The following EGLN1 variants were observed in gnomAD, a reference collection of about 807,000 sequenced individuals.
The protein encoded by EGLN1 is egl nine homolog 1.
Under a neutral mutation model 38.3 loss-of-function variants are expected in EGLN1, and 17 were observed. The observed-to-expected ratio is 0.44, with a 90% confidence interval of 0.30 to 0.67. EGLN1 has a LOEUF of 0.67. Among genes scored for constraint, EGLN1 ranks in the 30% least tolerant of loss-of-function variants. The pLI, the probability that EGLN1 is intolerant of heterozygous loss-of-function variation, is 0.08. For missense variants in EGLN1, 477 were observed against 603.3 expected, an observed-to-expected ratio of 0.79 and a Z score of 2.19; for synonymous variants, 283 against 257.5, an observed-to-expected ratio of 1.10 and a Z score of -0.95.
At chr1:231,410,237 T>C (rs927489830) in intron 1 of EGLN1, among the ~76,000 whole-genome samples, 3 of 152,008 alleles carry the variant, frequency 2.0e-5, no homozygotes, top group African/African-American at 7.2e-5. Context: ...GACTTCAGTC[T>C]TGCCAGCAGA....
At chr1:231,393,889 C>T (rs1688453044) in intron 1 of EGLN1, among the ~76,000 whole-genome samples, 1 of 152,120 alleles carries the variant, frequency 6.6e-6, no homozygotes, top group African/African-American at 2.4e-5. Context: ...AACTTCTTTC[C>T]TGTTATCTAA....
At chr1:231,413,751 G>T (rs1282420819) in intron 1 of EGLN1, among the ~76,000 whole-genome samples, 1 of 152,144 alleles carries the variant, frequency 6.6e-6, no homozygotes, top group Non-Finnish European at 1.5e-5. Flanking sequence ...ATGAACAAAT[G>T]AGTGAAAATA....
chr1:231,398,841 C>T (rs962259328), intron 1 of EGLN1, among the ~76,000 whole-genome samples: 17 of 152,100 alleles, frequency 1.1e-4, no homozygotes, highest in African/African-American at 3.6e-4. Context: ...GGTGTGAGAA[C>T]GCAGAGAGGA....
intron 1 of EGLN1, among the ~76,000 whole-genome samples, chr1:231,406,048 T>TTG (rs1418706306): frequency 7.3e-6 from 1 of 137,616 alleles, no homozygotes; most frequent in African/African-American, 2.8e-5. Flanking sequence ...TTTTTTTTTT[T>TTG]AATTCAGGTA....
At chr1:231,379,056 A>C (rs377559225) in intron 1 of EGLN1, among the ~76,000 whole-genome samples, 3 of 152,174 alleles carry the variant, frequency 2.0e-5, no homozygotes, top group African/African-American at 7.2e-5. Context: ...CAGAAAACTA[A>C]ACTGGAGTGA....
chr1:231,387,320 T>C (rs889951393), intron 1 of EGLN1, among the ~76,000 whole-genome samples: 3 of 151,812 alleles, frequency 2.0e-5, no homozygotes, highest in Non-Finnish European at 4.4e-5. Flanking sequence ...TTCAGTACCA[T>C]GTGTTTTTAT....
chr1:231,420,150 G>A (rs941150950), intron 1 of EGLN1: 6 of 152,212 alleles, frequency 3.9e-5, no homozygotes, highest in Admixed American at 3.3e-4. Flanking sequence ...AACCGCAATA[G>A]TAAAGAGAAA....
In EGLN1 at chr1:231,422,067, G is replaced by A. The variant is rs1423586136; in HGVS notation, c.-179C>T. 3.5e-6 allele frequency: 2 copies of A among 564,050 alleles called. No homozygotes were observed. Among genetic ancestry groups the A allele is most frequent in the East Asian group, 3.9e-5 (1 of 25,628 alleles). 34.9% of individuals were successfully genotyped at this position (564,050 alleles called of 1,614,324 possible). A position where few individuals can be genotyped will look rare whatever the true frequency, so the allele number is the denominator to read the frequency against. ...ACGCCCTCGGCCCGGCCGCTTCCGA[G>A]TCCTAAGCTCCGGCGCAGCGCCGGC... is the stretch of plus-strand genomic sequence containing the variant. On this transcript the variant is annotated 5_prime_UTR_variant, in exon 1 of 5. Coordinates refer to ENST00000366641, the MANE Select transcript of EGLN1 (RefSeq NM_022051.3).
At chr1:231,396,463 A>G (rs1375585703) in intron 1 of EGLN1, among the ~76,000 whole-genome samples, 1 of 152,146 alleles carries the variant, frequency 6.6e-6, no homozygotes, top group Non-Finnish European at 1.5e-5. Flanking sequence ...CATGTTGGCC[A>G]GGATGGTCTC....
intron 1 of EGLN1, among the ~76,000 whole-genome samples, chr1:231,411,972 A>ATT (rs1033660911): frequency 1.6e-5 from 2 of 127,646 alleles, no homozygotes; most frequent in African/African-American, 6.0e-5. Flanking sequence ...AGACCACGCC[A>ATT]TTGCACTACA....
intron 1 of EGLN1, 125 bp downstream of exon 1, chr1:231,420,873 A>G: frequency 1.3e-6 from 2 of 1,585,066 alleles, no homozygotes; most frequent in Non-Finnish European, 1.7e-6. Context: ...GGGGAGCTAC[A>G]CAAGAAAGAG....
At chr1:231,403,746 CA>C (rs1320768927) in intron 1 of EGLN1, among the ~76,000 whole-genome samples, 1 of 104,300 alleles carries the variant, frequency 9.6e-6, no homozygotes, top group East Asian at 3.2e-4. Flanking sequence ...CCAGCATGGT[CA>C]ACAGAGCCAG....
chr1:231,413,768 A>C (rs1461683485), intron 1 of EGLN1, among the ~76,000 whole-genome samples: 1 of 152,176 alleles, frequency 6.6e-6, no homozygotes. Flanking sequence ...AATAGTATCA[A>C]AACAGGACTC....
intron 1 of EGLN1, among the ~76,000 whole-genome samples, chr1:231,402,560 G>A (rs939880115): frequency 6.6e-6 from 1 of 151,250 alleles, no homozygotes; most frequent in African/African-American, 2.4e-5. Flanking sequence ...TCACCCTCCC[G>A]AGTAGCTGGG....
chr1:231,395,506 G>T (rs777787003), intron 1 of EGLN1, among the ~76,000 whole-genome samples: 1 of 152,332 alleles, frequency 6.6e-6, no homozygotes, highest in South Asian at 2.1e-4. Flanking sequence ...ATTGAACACT[G>T]ACAGCCTCAT....
At position 231,421,534 on chromosome 1, in the gene EGLN1, C is replaced by A; in HGVS notation, c.355G>T (p.Asp119Tyr). The part of the protein sequence containing the change: ...KGKVKAKPPA[D>Y]PAAAASPCRA... The stretch of plus-strand genomic sequence containing the variant: ...CACGGCGACGCGGCCGCCGCTGGGT[C>A]GGCCGGGGGCTTGGCCTTTACTTTT... The change falls in exon 1 of 5, where the codon GAC becomes TAC. Residue 119 changes from aspartate to tyrosine, a missense_variant. Around this residue, in one of 4 missense-constraint regions of EGLN1, gnomAD observed 298 missense variants for 288.9 expected, o/e 1.03. Transcript: ENST00000366641. This position sits in a 1 kb window ranked among gnomAD's most constrained non-coding sequence, Gnocchi z 5.5. 7.7e-7 allele frequency: 1 copy of A among 1,296,078 alleles called. No homozygotes were observed. The highest frequency in any genetic ancestry group is 2.8e-5 in the South Asian group (1 of 35,718). 80.3% of individuals were successfully genotyped at this position (1,296,078 alleles called of 1,614,324 possible).
chr1:231,381,457 T>C (rs774457140), intron 1 of EGLN1, among the ~76,000 whole-genome samples: 4 of 152,182 alleles, frequency 2.6e-5, no homozygotes, highest in Admixed American at 1.3e-4. Flanking sequence ...AGAAATAGCA[T>C]TGATCCAAAT....
At position 231,421,435 on chromosome 1, in the gene EGLN1, G is replaced by C. The variant is rs1200860908; in HGVS notation, c.454C>G (p.Arg152Gly). The change falls in exon 1 of 5, where the codon CGC (arginine) becomes GGC (glycine). Residue 152 changes from arginine (R) to glycine (G), a missense_variant. Around this residue, in one of 4 missense-constraint regions of EGLN1, gnomAD observed 298 missense variants for 288.9 expected, o/e 1.03. Transcript: ENST00000366641. The surrounding 1 kb of genome is among the most constrained non-coding windows in gnomAD (Gnocchi z 5.5). The part of the protein sequence containing the change: ...AEPGKEEPPA[R>G]SSLFQEKANL... ...GCCTTCTCCTGGAACAGCGATGAGC[G>C]GGCCGGCGGCTCCTCCTTGCCGGGC... 11 of 1,537,578 alleles carry C rather than the reference G, an allele frequency of 7.2e-6. No homozygotes were observed. The highest frequency in any genetic ancestry group is 9.6e-6 in the Non-Finnish European group (11 of 1,140,032).
rs763284659 is a variant in EGLN1 at position 231,391,092 on chromosome 1, T to TTGTGTG, written c.892-16999_892-16994dup. Among the ~76,000 whole-genome samples the TTGTGTG allele has an allele frequency of 4.9e-3, 330 of 67,356 alleles. 23 individuals carry two copies. Among genetic ancestry groups the TTGTGTG allele is most frequent in the East Asian group, 0.011 (28 of 2,504 alleles). The allele number at this position is 67,356 out of a possible 152,430, so 44.2% of individuals were successfully genotyped here. ...ACAGGGAACTCATTCTGTTTTTTTT[T>TTGTGTG]TGTGTGTGTGTGTGTGTGTGTGTGT... is the stretch of plus-strand genomic sequence containing the variant. On this transcript the variant is annotated intron_variant, in intron 1 of 4. Coordinates refer to ENST00000366641, the MANE Select transcript of EGLN1 (RefSeq NM_022051.3).
Sources: allele counts gnomAD v4.1 joint callset (sites outside exome capture counted in the v4.1 genomes callset), GRCh38; gene constraint gnomAD v4.1.1; regional missense constraint gnomAD v4.1.1; non-coding constraint Gnocchi (gnomAD v3.1); transcripts MANE v1.5; gene names NCBI Gene and HGNC (gene_info 2026-07-23, HGNC 2026-07-21).